Variants in C1QTNF3 observed in about 807,000 individuals in gnomAD.
C1QTNF3 encodes complement C1q tumor necrosis factor-related protein 3.
Under a neutral mutation model 32.6 loss-of-function variants are expected in C1QTNF3, and 26 were observed. The observed-to-expected ratio is 0.80, with a 90% CI of 0.58 to 1.11. The LOEUF (loss-of-function observed/expected upper bound fraction) is 1.11, where lower values mean the gene tolerates loss of function less well. Ranked by LOEUF, C1QTNF3 falls within the 50% of genes least tolerant of loss-of-function variation. The pLI, the probability that C1QTNF3 is intolerant of heterozygous loss-of-function variation, is 0.00. For synonymous variants in C1QTNF3, 155 were observed against 146.0 expected (o/e 1.06, Z -0.44); for missense variants, 362 against 398.2 (o/e 0.91, Z 0.77).
chr5:34,170,390 C>G, the C1QTNF3 span, among the ~76,000 whole-genome samples: 2 of 152,048 alleles, frequency 1.3e-5, no homozygotes, highest in Non-Finnish European at 2.9e-5. Context: ...CTATATTGTG[C>G]ATGTCAAAAT....
the C1QTNF3 span, among the ~76,000 whole-genome samples, chr5:34,143,330 A>G: frequency 6.6e-6 from 1 of 152,336 alleles, no homozygotes; most frequent in Admixed American, 6.5e-5. Context: ...AGAAAAGGAG[A>G]AAGAATGAAA....
the C1QTNF3 span, among the ~76,000 whole-genome samples, chr5:34,076,078 T>C: frequency 6.6e-5 from 10 of 151,662 alleles, no homozygotes; most frequent in East Asian, 1.9e-4. Flanking sequence ...ATCAGAATCA[T>C]ACAGACAGAA....
chr5:34,070,562 T>C, the C1QTNF3 span, among the ~76,000 whole-genome samples: 1 of 152,186 alleles, frequency 6.6e-6, no homozygotes, highest in Non-Finnish European at 1.5e-5. Flanking sequence ...CAAATAGCAG[T>C]ATTGAATTGA....
At chr5:34,230,358 AC>A in the C1QTNF3 span, among the ~76,000 whole-genome samples, 3 of 152,126 alleles carry the variant, frequency 2.0e-5, no homozygotes, top group Non-Finnish European at 4.4e-5. Flanking sequence ...GTTTTAAACT[AC>A]TAAGTGTATT....
the C1QTNF3 span, among the ~76,000 whole-genome samples, chr5:34,177,383 G>T: frequency 2.0e-5 from 3 of 151,668 alleles, no homozygotes; most frequent in African/African-American, 7.3e-5. Flanking sequence ...TGCAATTATG[G>T]CAGACTGACT....
the C1QTNF3 span, among the ~76,000 whole-genome samples, chr5:34,195,307 T>G: frequency 6.9e-6 from 1 of 144,680 alleles, no homozygotes; most frequent in Non-Finnish European, 1.5e-5. Flanking sequence ...CTCCATCTGG[T>G]AGGAATATAT....
At chr5:34,081,456 A>G in the C1QTNF3 span, among the ~76,000 whole-genome samples, 7 of 151,704 alleles carry the variant, frequency 4.6e-5, no homozygotes, top group Admixed American at 4.6e-4. Flanking sequence ...ATCAACACTG[A>G]TCTATCAGTG....
the C1QTNF3 span, among the ~76,000 whole-genome samples, chr5:34,133,970 G>T: frequency 4.5e-4 from 68 of 152,282 alleles, no homozygotes; most frequent in African/African-American, 1.6e-3. Context: ...CCAAATGAGT[G>T]AGTGTTTGGT....
chr5:34,028,614 C>A, intron 4 of C1QTNF3, 140 bp downstream of exon 4: 1 of 695,226 alleles, frequency 1.4e-6, no homozygotes, highest in South Asian at 3.6e-5. Context: ...ACCTTAATGT[C>A]ATTCTTTATT....
chr5:34,127,124 T>A, the C1QTNF3 span, among the ~76,000 whole-genome samples: 3 of 152,078 alleles, frequency 2.0e-5, no homozygotes, highest in Non-Finnish European at 4.4e-5. Flanking sequence ...TTACCCAGTC[T>A]CAGGTAGTTC....
chr5:34,133,921 T>A, the C1QTNF3 span, among the ~76,000 whole-genome samples: 1 of 152,326 alleles, frequency 6.6e-6, no homozygotes, highest in African/African-American at 2.4e-5. Flanking sequence ...ATTAAGGTAA[T>A]CTTTATAATA....
chr5:34,197,447 G>A, the C1QTNF3 span, among the ~76,000 whole-genome samples: 2 of 152,180 alleles, frequency 1.3e-5, no homozygotes, highest in Non-Finnish European at 2.9e-5. Context: ...ATAATTAGTG[G>A]AGTTTTTACG....
At chr5:34,166,434 A>G in the C1QTNF3 span, 1 of 152,152 alleles carries the variant, frequency 6.6e-6, no homozygotes, top group Non-Finnish European at 1.5e-5. Flanking sequence ...ACAAAAAACA[A>G]AAAACTTAAT....
At chr5:34,222,865 G>A in the C1QTNF3 span, among the ~76,000 whole-genome samples, 2 of 151,740 alleles carry the variant, frequency 1.3e-5, no homozygotes, top group African/African-American at 2.4e-5. Flanking sequence ...TTTTAATTCT[G>A]TGAATTTCGG....
chr5:34,117,104 G>C, the C1QTNF3 span, among the ~76,000 whole-genome samples: 6 of 151,778 alleles, frequency 4.0e-5, no homozygotes, highest in East Asian at 1.9e-4. Context: ...ATTTAATGTT[G>C]TAACTGATAT....
the C1QTNF3 span, among the ~76,000 whole-genome samples, chr5:34,240,197 T>A: frequency 6.8e-6 from 1 of 147,562 alleles, no homozygotes. Context: ...AAATTAACAA[T>A]CTAACACTAC....
the C1QTNF3 span, among the ~76,000 whole-genome samples, chr5:34,080,696 A>G: frequency 6.6e-6 from 1 of 151,592 alleles, no homozygotes; most frequent in East Asian, 1.9e-4. Flanking sequence ...TCCTTCTTTC[A>G]CTTTAGAATA....
intron 1 of C1QTNF3, among the ~76,000 whole-genome samples, chr5:34,036,998 G>A (rs6451053): frequency 0.52 from 78,717 of 152,022 alleles, 20,693 homozygotes; most frequent in Non-Finnish European, 0.55. Context: ...TTGAACCAAT[G>A]TTTAATAAGC....
At chr5:34,123,183 C>T in the C1QTNF3 span, among the ~76,000 whole-genome samples, 1 of 152,166 alleles carries the variant, frequency 6.6e-6, no homozygotes, top group South Asian at 2.1e-4. Context: ...CAGGCTATCA[C>T]AGAGAGCACC....
Sources: gnomAD v4.1 joint callset for allele counts (sites outside exome capture counted in the v4.1 genomes callset) on GRCh38, gnomAD v4.1.1 for gene constraint, MANE v1.5 for transcripts, NCBI Gene and HGNC (gene_info 2026-07-23, HGNC 2026-07-21) for gene names.